ADGRE5: variants seen among roughly 807,000 people sequenced by gnomAD.
ADGRE5 encodes adhesion G protein-coupled receptor E5.
Under a neutral mutation model 100.3 loss-of-function variants are expected in ADGRE5, and 72 were observed. The ratio of observed to expected loss-of-function variants is 0.72; its 90% CI spans 0.59 to 0.87. The LOEUF (loss-of-function observed/expected upper bound fraction) is 0.87, where lower values mean the gene tolerates loss of function less well. ADGRE5 is among the 40% of genes least tolerant of loss of function. ADGRE5 has a pLI of 0.00. For missense variants in ADGRE5, 959 were observed against 1,094.7 expected (o/e 0.88, Z 1.75); for synonymous variants, 439 against 447.8 (o/e 0.98, Z 0.25).
At chr19:14,383,931 G>A (rs1459317082) in intron 1 of ADGRE5, among the ~76,000 whole-genome samples, 1 of 151,914 alleles carries the variant, frequency 6.6e-6, no homozygotes, top group Non-Finnish European at 1.5e-5. Context: ...TCCTTTTCTG[G>A]GCTCCAAGCC....
At chr19:14,398,489 G>A (rs917992621) in intron 9 of ADGRE5, among the ~76,000 whole-genome samples, 1 of 143,606 alleles carries the variant, frequency 7.0e-6, no homozygotes, top group African/African-American at 2.6e-5. Context: ...CTAACATGGT[G>A]AAACCCCCGT....
intron 1 of ADGRE5, among the ~76,000 whole-genome samples, chr19:14,382,709 ATTTT>A (rs35624101): frequency 7.1e-6 from 1 of 141,076 alleles, no homozygotes; most frequent in Non-Finnish European, 1.5e-5. Flanking sequence ...CCAAAAACAA[ATTTT>A]TTTTTTTTTT....
chr19:14,408,515 A>C lies in ADGRE5; in HGVS notation c.*394A>C. The C allele has an allele frequency of 2.2e-6, 1 of 463,822 alleles. No individual in the cohort carries two copies. The highest frequency in any genetic ancestry group is 3.9e-6 in the Non-Finnish European group (1 of 255,998). 28.7% of individuals were successfully genotyped at this position (463,822 alleles called of 1,614,324 possible). A position where few individuals can be genotyped will look rare whatever the true frequency, so the allele number is the denominator to read the frequency against. The stretch of plus-strand genomic sequence containing the variant: ...CTGAAGAGACTAGGCGCTGGGGCTC[A>C]GCTTCCCTCTTAAGCTAAGACTGAT... On this transcript the variant is annotated 3_prime_UTR_variant, in exon 20 of 20. Coordinates refer to ENST00000242786, the MANE Select transcript of ADGRE5 (RefSeq NM_078481.4).
At chr19:14,383,815 C>A (rs1466102365) in intron 1 of ADGRE5, among the ~76,000 whole-genome samples, 1 of 151,964 alleles carries the variant, frequency 6.6e-6, no homozygotes. Flanking sequence ...CAGCTCAGCC[C>A]ATGCAGAGGG....
chr19:14,388,853 G>A (rs531524506), intron 3 of ADGRE5, 35 bp downstream of exon 3: 49 of 1,587,950 alleles, frequency 3.1e-5, no homozygotes, highest in South Asian at 1.8e-4. Flanking sequence ...GGGGACATCC[G>A]CGATTATGAG....
chr19:14,387,328 C>A (rs533158443), intron 1 of ADGRE5, among the ~76,000 whole-genome samples: 3 of 152,158 alleles, frequency 2.0e-5, no homozygotes, highest in Non-Finnish European at 4.4e-5. Context: ...TGAAACTCCA[C>A]CCTCAAGCCG....
chr19:14,405,661 C>CA lies in ADGRE5; in HGVS notation c.1630-84dup. On this transcript the variant is annotated intron_variant, in intron 13 of 19. Transcript: ENST00000242786. ...GAGGAGGTCAGAGAGGTGGGCCCGT[C>CA]AAAGTGTGGGGGGGAAAAGGGACCA... is the stretch of plus-strand genomic sequence containing the variant. The CA allele has an allele frequency of 4.0e-6, 4 of 995,250 alleles. No individual in the cohort carries two copies. In the South Asian group the frequency reaches 6.1e-5, roughly 15 times the overall value. The allele number at this position is 995,250 out of a possible 1,614,324, so 61.7% of individuals were successfully genotyped here. A position where few individuals can be genotyped will look rare whatever the true frequency, so the allele number is the denominator to read the frequency against.
intron 6 of ADGRE5, 182 bp downstream of exon 6, chr19:14,397,405 A>G: frequency 1.3e-6 from 1 of 794,266 alleles, no homozygotes; most frequent in Non-Finnish European, 2.0e-6. Context: ...TGGGGTACTG[A>G]GGGGGAAGGC....
intron 11 of ADGRE5, 126 bp from the exon 12 acceptor site, chr19:14,402,471 C>T: frequency 1.1e-6 from 1 of 893,888 alleles, no homozygotes; most frequent in South Asian, 1.6e-5. Flanking sequence ...GAAACTGACT[C>T]ATCGGGAGGG....
rs773694479 is a variant in ADGRE5, at chr19:14,404,385, C to T, written c.1452C>T (p.Asp484=). The change falls in exon 13 of 20, where the codon GAC becomes GAT. Residue 484 remains aspartate (D), a splice_region_variant and synonymous_variant. Coordinates refer to ENST00000242786, the MANE Select transcript of ADGRE5 (RefSeq NM_078481.4). The part of the protein sequence containing the change: ...GEAGRDPPAK[D]VMPGPRQELL... ...TGACCACCCCCATCTGCCCACAGGA[C>T]GTGATGCCTGGGCCACGGCAGGAGC... 41 of 1,608,130 alleles carry T rather than the reference C, an allele frequency of 2.5e-5. No homozygotes were observed. The South Asian group carries it at 4.1e-4, about 16-fold the overall frequency.
At chr19:14,387,695 T>C (rs1025096766) in intron 1 of ADGRE5, among the ~76,000 whole-genome samples, 1 of 151,684 alleles carries the variant, frequency 6.6e-6, no homozygotes, top group Admixed American at 6.6e-5. Context: ...GCCACTGCAC[T>C]CCAGCCTGGG....
intron 18 of ADGRE5, among the ~76,000 whole-genome samples, chr19:14,407,623 A>AG (rs1356583066): frequency 1.4e-5 from 2 of 147,606 alleles, no homozygotes; most frequent in African/African-American, 5.1e-5. Flanking sequence ...CCTGGGTGAC[A>AG]GTGAGACTTG....
At chr19:14,386,896 T>A (rs1322704313) in intron 1 of ADGRE5, among the ~76,000 whole-genome samples, 1 of 151,098 alleles carries the variant, frequency 6.6e-6, no homozygotes, top group Non-Finnish European at 1.5e-5. Flanking sequence ...GTGCCTGTAA[T>A]CCCAGATACT....
chr19:14,402,961 T>G, intron 12 of ADGRE5, 99 bp downstream of exon 12: 1 of 1,198,068 alleles, frequency 8.3e-7, no homozygotes, highest in Non-Finnish European at 1.2e-6. Context: ...GACTCAGTCT[T>G]TTATGTTTCT....
In ADGRE5 at chr19:14,392,291, C is replaced by G. The variant is rs564104739; in HGVS notation, c.346+1212C>G. ...GACAAGGGGAAGAAAGAGTCCTTAT[C>G]TTTTATTTGTTTTGTTTGTTTGTTT... On this transcript the variant is annotated intron_variant, in intron 4 of 19. Transcript: ENST00000242786. 2.6e-4 allele frequency among the ~76,000 whole-genome samples: 29 copies of G among 113,008 alleles called. 1 individual carries two copies. The South Asian group carries it at 7.1e-3, about 28-fold the overall frequency. 74.1% of individuals were successfully genotyped at this position (113,008 alleles called of 152,430 possible).
rs757181424 is a variant in ADGRE5 at position 14,406,755 on chromosome 19, T to C, written c.2104T>C (p.Phe702Leu). 1 of 1,614,036 alleles carries C rather than the reference T, an allele frequency of 6.2e-7. No individual in the cohort carries two copies. Among genetic ancestry groups the C allele is most frequent in the African/African-American group, 1.3e-5 (1 of 75,032 alleles). Reference protein sequence around the residue: ...FLWSFLGPVTFIILCNAVIFV... With the variant: ...FLWSFLGPVTLIILCNAVIFV... Reference sequence around the variant, plus strand: ...CTGGAGCTTCTTGGGACCTGTGACCTTCATCATTTTGGTAAGTACCCACTC... The same window carrying C: ...CTGGAGCTTCTTGGGACCTGTGACCCTCATCATTTTGGTAAGTACCCACTC... The change falls in exon 16 of 20, where the codon TTC becomes CTC. Residue 702 changes from phenylalanine (F) to leucine (L), a missense_variant. Transcript: ENST00000242786. This position sits in a 1 kb window ranked among gnomAD's most constrained non-coding sequence, Gnocchi z 6.0.
chr19:14,406,184 TG>T lies in ADGRE5; in HGVS notation c.1822-141del. On this transcript the variant is annotated intron_variant, in intron 14 of 19. Transcript: ENST00000242786. The surrounding 1 kb of genome is among the most constrained non-coding windows in gnomAD (Gnocchi z 6.0). ...TCTGAGCGTTGTTGGGGGTGGGCCC[TG>T]GGGGGAAACCTGGCCCCCGCTCCAG... is the stretch of plus-strand genomic sequence containing the variant. 5 of 738,610 alleles carry T rather than the reference TG, an allele frequency of 6.8e-6. No individual in the cohort carries two copies. Among genetic ancestry groups the T allele is most frequent in the Non-Finnish European group, 1.1e-5 (5 of 464,250 alleles). 45.8% of individuals were successfully genotyped at this position (738,610 alleles called of 1,614,324 possible). A position where few individuals can be genotyped will look rare whatever the true frequency, so the allele number is the denominator to read the frequency against.
chr19:14,384,612 A>C (rs1260324757), intron 1 of ADGRE5, among the ~76,000 whole-genome samples: 1 of 53,904 alleles, frequency 1.9e-5, no homozygotes, highest in African/African-American at 8.5e-5. Flanking sequence ...CTCATATCCC[A>C]ACGCCCTCCG....
chr19:14,407,320 A>T, intron 18 of ADGRE5, 91 bp downstream of exon 18: 2 of 1,439,890 alleles, frequency 1.4e-6, no homozygotes, highest in South Asian at 2.4e-5. Flanking sequence ...CAGAAGTTGG[A>T]GACCAGCCTG....
Sources: gnomAD v4.1 joint callset for allele counts (sites outside exome capture counted in the v4.1 genomes callset) on GRCh38, gnomAD v4.1.1 for gene constraint, Gnocchi (gnomAD v3.1) non-coding constraint, MANE v1.5 for transcripts, NCBI Gene and HGNC (gene_info 2026-07-23, HGNC 2026-07-21) for gene names.